The following GRM5 variants were observed in gnomAD, a reference collection of about 807,000 sequenced individuals.
GRM5 encodes the protein glutamate metabotropic receptor 5, also known as metabotropic glutamate receptor 5.
A neutral mutation model predicts 83.1 loss-of-function variants in GRM5; 19 were observed. The ratio of observed to expected loss-of-function variants is 0.23; its 90% CI spans 0.16 to 0.34. The LOEUF is 0.34. Ranked by LOEUF, GRM5 falls within the 10% of genes least tolerant of loss-of-function variation. GRM5 has a pLI of 1.00. For synonymous variants in GRM5, 675 were observed against 633.6 expected (o/e 1.07, Z -0.98); for missense variants, 1,160 against 1,588.3 (o/e 0.73, Z 4.58).
chr11:88,885,782 C>A (rs191482079), intron 2 of GRM5, among the ~76,000 whole-genome samples: 287 of 152,054 alleles, frequency 1.9e-3, no homozygotes, highest in Admixed American at 2.9e-3. Context: ...GAAAAGCAGC[C>A]CCAAATCATT....
intron 3 of GRM5, among the ~76,000 whole-genome samples, chr11:88,789,014 A>G (rs1400440394): frequency 2.0e-5 from 3 of 152,180 alleles, no homozygotes; most frequent in Non-Finnish European, 4.4e-5. Flanking sequence ...AAGGAAGGTG[A>G]GTAATCCTGG....
intron 3 of GRM5, among the ~76,000 whole-genome samples, chr11:88,775,930 G>C (rs570746827): frequency 6.6e-6 from 1 of 152,206 alleles, no homozygotes; most frequent in Non-Finnish European, 1.5e-5. Flanking sequence ...ATTTCGGGTA[G>C]AGAGTTCTGT....
At chr11:88,723,182 C>A (rs1215359884) in intron 3 of GRM5, among the ~76,000 whole-genome samples, 1 of 151,566 alleles carries the variant, frequency 6.6e-6, no homozygotes, top group Non-Finnish European at 1.5e-5. Context: ...GCTCTCAAGG[C>A]TCCTCCATGA....
intron 3 of GRM5, among the ~76,000 whole-genome samples, chr11:88,749,590 G>A (rs1942220104): frequency 6.6e-6 from 1 of 152,018 alleles, no homozygotes; most frequent in South Asian, 2.1e-4. Flanking sequence ...GAAATACAGA[G>A]AAACCCAGTA....
intron 8 of GRM5, among the ~76,000 whole-genome samples, chr11:88,551,037 A>G (rs990850943): frequency 6.6e-6 from 1 of 151,946 alleles, no homozygotes; most frequent in African/African-American, 2.4e-5. Flanking sequence ...GGTTCAGTGA[A>G]TATCTATGTG....
At chr11:88,925,679 A>C (rs1223275189) in intron 2 of GRM5, 1 of 444,422 alleles carries the variant, frequency 2.3e-6, no homozygotes, top group East Asian at 7.0e-5. Flanking sequence ...TGGAAGGCTG[A>C]AGCAAGCAGA....
At chr11:88,696,923 G>C (rs1238949135) in intron 3 of GRM5, among the ~76,000 whole-genome samples, 3 of 152,144 alleles carry the variant, frequency 2.0e-5, no homozygotes, top group African/African-American at 7.2e-5. Context: ...AAGAATCTTT[G>C]GAGAAGGTGA....
chr11:88,595,129 A>G (rs1397640105), intron 6 of GRM5, among the ~76,000 whole-genome samples: 2 of 151,982 alleles, frequency 1.3e-5, no homozygotes, highest in East Asian at 1.9e-4. Flanking sequence ...ATTTTTTTCA[A>G]TTGACACATA....
At position 88,815,503 on chromosome 11, in the gene GRM5, G is replaced by A. The variant is rs563654833; in HGVS notation, c.911+34403C>T. On this transcript the variant is annotated intron_variant, in intron 3 of 9. Coordinates refer to ENST00000305447, the MANE Select transcript of GRM5 (RefSeq NM_001143831.3). ...GCTATAACAGAATACCAGAGACTGG[G>A]TAGTTTATAAAGCAAAAAGCTTAAT... Among the ~76,000 whole-genome samples the A allele has an allele frequency of 1.1e-3, 170 of 152,326 alleles. 1 individual carries two copies. Among genetic ancestry groups the A allele is most frequent in the Non-Finnish European group, 1.9e-3 (132 of 68,036 alleles).
intron 9 of GRM5, among the ~76,000 whole-genome samples, chr11:88,521,459 C>T (rs1317297084): frequency 6.6e-6 from 1 of 152,090 alleles, no homozygotes; most frequent in African/African-American, 2.4e-5. Flanking sequence ...CAATGCCATG[C>T]CCCTGCTGAC....
At chr11:88,573,114 G>A (rs975663140) in intron 7 of GRM5, among the ~76,000 whole-genome samples, 5 of 151,924 alleles carry the variant, frequency 3.3e-5, no homozygotes, top group East Asian at 1.9e-4. Context: ...TACTTGATTC[G>A]TAAGTCTGTG....
At chr11:88,607,962 G>A (rs1250062687) in intron 4 of GRM5, among the ~76,000 whole-genome samples, 1 of 152,210 alleles carries the variant, frequency 6.6e-6, no homozygotes, top group Non-Finnish European at 1.5e-5. Flanking sequence ...CTCTGTTTCA[G>A]TCTCACCAGA....
intron 3 of GRM5, among the ~76,000 whole-genome samples, chr11:88,801,650 A>T (rs1413425860): frequency 1.3e-5 from 2 of 152,122 alleles, no homozygotes; most frequent in Non-Finnish European, 2.9e-5. Context: ...TATTAAGAGG[A>T]CAATGTGGGA....
intron 2 of GRM5, among the ~76,000 whole-genome samples, chr11:88,959,666 T>C (rs577809000): frequency 1.3e-5 from 2 of 152,166 alleles, no homozygotes; most frequent in African/African-American, 2.4e-5. Flanking sequence ...CCTTCCCTGC[T>C]CCACATAACA....
chr11:88,574,127 C>G (rs769520061), intron 7 of GRM5, among the ~76,000 whole-genome samples: 8 of 152,062 alleles, frequency 5.3e-5, no homozygotes, highest in Non-Finnish European at 7.4e-5. Flanking sequence ...CTAGAAGCAC[C>G]CTGATGATAG....
intron 3 of GRM5, among the ~76,000 whole-genome samples, chr11:88,722,590 A>G (rs1357869098): frequency 1.3e-5 from 2 of 152,162 alleles, no homozygotes; most frequent in Non-Finnish European, 2.9e-5. Flanking sequence ...TACTAAGACA[A>G]GGGAGATACC....
At position 88,507,786 on chromosome 11, in the gene GRM5, T is replaced by C. The variant is rs1941218546; in HGVS notation, c.*806A>G. ...AATTACAAAACAGTATTCCAGAAAA[T>C]ATTTTTTTTGCTACTCCAGTATTGA... On this transcript the variant is annotated 3_prime_UTR_variant, in exon 10 of 10. Transcript: ENST00000305447. The C allele has an allele frequency of 6.6e-6, 1 of 152,584 alleles. No individual in the cohort carries two copies. Among genetic ancestry groups the C allele is most frequent in the Non-Finnish European group, 1.5e-5 (1 of 68,040 alleles). The allele number at this position is 152,584 out of a possible 1,614,324, so 9.5% of individuals were successfully genotyped here. A position where few individuals can be genotyped will look rare whatever the true frequency, so the allele number is the denominator to read the frequency against.
Position 88,770,424 on chromosome 11 carries a change from G to A in GRM5, c.911+79482C>T, listed in dbSNP as rs188083373. ...GTAATGTGTTAATAATAAACTCTGT[G>A]TATGTCAGAGGAAAGAGAGGTAATG... On this transcript the variant is annotated intron_variant, in intron 3 of 9. Transcript: ENST00000305447. Among the ~76,000 whole-genome samples, 117 of 152,152 alleles carry A rather than the reference G, an allele frequency of 7.7e-4. 1 individual carries two copies. The highest frequency in any genetic ancestry group is 2.3e-3 in the African/African-American group (97 of 41,530).
intron 3 of GRM5, among the ~76,000 whole-genome samples, chr11:88,706,003 T>C (rs1591453835): frequency 6.6e-6 from 1 of 152,168 alleles, no homozygotes; most frequent in East Asian, 1.9e-4. Context: ...TATTCTCCAT[T>C]GTACCAATGA....
Sources: gnomAD v4.1 joint callset for allele counts (sites outside exome capture counted in the v4.1 genomes callset) on GRCh38, gnomAD v4.1.1 for gene constraint, MANE v1.5 for transcripts, NCBI Gene and HGNC (gene_info 2026-07-23, HGNC 2026-07-21) for gene names.